Variants in NCR3LG1 observed in about 807,000 individuals in gnomAD.
The protein encoded by NCR3LG1 is natural killer cell cytotoxicity receptor 3 ligand 1.
Under a neutral mutation model 34.8 loss-of-function variants are expected in NCR3LG1, and 35 were observed. The observed-to-expected ratio is 1.01, with a 90% CI of 0.77 to 1.33. The LOEUF (loss-of-function observed/expected upper bound fraction) is 1.33, where lower values mean the gene tolerates loss of function less well. Among genes scored for constraint, NCR3LG1 ranks in the 40% most tolerant of loss-of-function variants. NCR3LG1 has a pLI of 0.00. For synonymous variants in NCR3LG1, 173 were observed against 163.6 expected, an observed-to-expected ratio of 1.06 and a Z score of -0.44; for missense variants, 452 against 423.3, an observed-to-expected ratio of 1.07 and a Z score of -0.60.
At chr11:17,362,458 A>C (rs563025804) in intron 2 of NCR3LG1, among the ~76,000 whole-genome samples, 1 of 152,264 alleles carries the variant, frequency 6.6e-6, no homozygotes, top group African/African-American at 2.4e-5. Context: ...CGGTTTTGGC[A>C]GTAGGATAAT....
rs1402771370 is a variant in NCR3LG1 at position 17,356,376 on chromosome 11, A to ACCTG, written c.71-266_71-263dup. Among the ~76,000 whole-genome samples the ACCTG allele has an allele frequency of 1.7e-4, 26 of 151,692 alleles. No homozygotes were observed. In the East Asian group the frequency reaches 5.0e-3, roughly 29 times the overall value. On this transcript the variant is annotated intron_variant, in intron 1 of 4. Transcript: ENST00000338965. ...ATGGTCTCAATCTCCTGACCTCATG[A>ACCTG]CCTGCCTGCCTGGGCCTCCCAAAGT...
intron 2 of NCR3LG1, among the ~76,000 whole-genome samples, chr11:17,361,659 A>G (rs924172785): frequency 6.6e-6 from 1 of 152,084 alleles, no homozygotes; most frequent in Non-Finnish European, 1.5e-5. Context: ...ATTTTTGCTT[A>G]TTAACTTTGT....
rs1953285033 is a variant in NCR3LG1 at position 17,362,688 on chromosome 11, CTTCCTTTCTTTCT to C, written c.422-4317_422-4305del. Among the ~76,000 whole-genome samples the C allele has an allele frequency of 7.5e-4, 12 of 16,026 alleles. No homozygotes were observed. The African/African-American group carries it at 9.9e-3, about 13-fold the overall frequency. The allele number at this position is 16,026 out of a possible 152,430, so 10.5% of individuals were successfully genotyped here. A position where few individuals can be genotyped will look rare whatever the true frequency, so the allele number is the denominator to read the frequency against. ...GACTCAGTGTCTCCTTCCTTCCTTCCTTCCTTTCTTTCTTTCTTTCTTTCTTTCTTTCTTTCTT... is the reference window on the plus strand; with the variant it reads ...GACTCAGTGTCTCCTTCCTTCCTTCCTTCTTTCTTTCTTTCTTTCTTTCTT... On this transcript the variant is annotated intron_variant, in intron 2 of 4. Transcript: ENST00000338965.
At chr11:17,367,448 G>A (rs545842376) in intron 3 of NCR3LG1, 101 bp downstream of exon 3, 15 of 1,011,150 alleles carry the variant, frequency 1.5e-5, no homozygotes, top group Middle Eastern at 2.6e-4. Context: ...GACTGAAGGG[G>A]AAACAGAGAA....
downstream of NCR3LG1, chr11:17,381,402 GC>G (rs1953512736): frequency 1.3e-5 from 2 of 152,612 alleles, no homozygotes; most frequent in Non-Finnish European, 2.9e-5. Flanking sequence ...CAGACAGCCT[GC>G]TCAAGAGCAC....
rs947543198 is a variant in NCR3LG1 at position 17,373,984 on chromosome 11, A to T, written c.*1472A>T. The T allele has an allele frequency of 6.6e-6, 1 of 152,148 alleles. No homozygotes were observed. The highest frequency in any genetic ancestry group is 2.4e-5 in the African/African-American group (1 of 41,388). 9.4% of individuals were successfully genotyped at this position (152,148 alleles called of 1,614,324 possible). A position where few individuals can be genotyped will look rare whatever the true frequency, so the allele number is the denominator to read the frequency against. On this transcript the variant is annotated 3_prime_UTR_variant, in exon 5 of 5. Transcript: ENST00000338965. Reference sequence around the variant, plus strand: ...ATCCCACTTTTTTTCCTAACCAGAGACAATACCCTCTGAAGCCAGAAAGTA... The same window carrying T: ...ATCCCACTTTTTTTCCTAACCAGAGTCAATACCCTCTGAAGCCAGAAAGTA...
chr11:17,364,096 A>G (rs993743377), intron 2 of NCR3LG1, among the ~76,000 whole-genome samples: 2 of 152,006 alleles, frequency 1.3e-5, no homozygotes, highest in African/African-American at 4.8e-5. Flanking sequence ...TATTCCCATT[A>G]TATATCTGTT....
In NCR3LG1 at chr11:17,374,799, C is replaced by T. The variant is rs1953456048; in HGVS notation, c.*2287C>T. 1.3e-5 allele frequency: 2 copies of T among 152,190 alleles called. No individual in the cohort carries two copies. Among genetic ancestry groups the T allele is most frequent in the East Asian group, 3.9e-4 (2 of 5,190 alleles). The allele number at this position is 152,190 out of a possible 1,614,324, so 9.4% of individuals were successfully genotyped here. A position where few individuals can be genotyped will look rare whatever the true frequency, so the allele number is the denominator to read the frequency against. On this transcript the variant is annotated 3_prime_UTR_variant, in exon 5 of 5. Coordinates refer to ENST00000338965, the MANE Select transcript of NCR3LG1 (RefSeq NM_001202439.3). ...CAAGTGGCTAAAACTCACTTCCTGA[C>T]CTGGGAACCTGAAGGTCAAAAGGCC...
chr11:17,357,090 C>T (rs1953219166), intron 2 of NCR3LG1, 89 bp downstream of exon 2: 1 of 865,006 alleles, frequency 1.2e-6, no homozygotes, highest in South Asian at 1.8e-5. Context: ...CTCCACTTTC[C>T]TGTATTATAA....
intron 2 of NCR3LG1, among the ~76,000 whole-genome samples, chr11:17,364,637 C>T (rs970924461): frequency 2.6e-5 from 4 of 152,164 alleles, no homozygotes; most frequent in Non-Finnish European, 1.5e-5. Flanking sequence ...ACCTCCGCCT[C>T]CTGGGTTCAA....
In NCR3LG1 at chr11:17,375,463, C is replaced by G. The variant is rs1290562170; in HGVS notation, c.*2951C>G. On this transcript the variant is annotated 3_prime_UTR_variant, in exon 5 of 5. Transcript: ENST00000338965. ...GCCTCTCTCACCAGGCACACACACT[C>G]AATCAGTTGAGCTGATCCCTCTCAC... 1 of 152,210 alleles carries G rather than the reference C, an allele frequency of 6.6e-6. No individual in the cohort carries two copies. Among genetic ancestry groups the G allele is most frequent in the Non-Finnish European group, 1.5e-5 (1 of 68,056 alleles). 9.4% of individuals were successfully genotyped at this position (152,210 alleles called of 1,614,324 possible). A position where few individuals can be genotyped will look rare whatever the true frequency, so the allele number is the denominator to read the frequency against.
At chr11:17,355,971 T>C (rs889704325) in intron 1 of NCR3LG1, among the ~76,000 whole-genome samples, 3 of 151,626 alleles carry the variant, frequency 2.0e-5, no homozygotes, top group African/African-American at 7.3e-5. Flanking sequence ...CTAATTTATT[T>C]TTATTTTTTT....
downstream of NCR3LG1, among the ~76,000 whole-genome samples, chr11:17,378,536 C>T (rs922251520): frequency 7.2e-5 from 11 of 152,156 alleles, no homozygotes; most frequent in Admixed American, 3.9e-4. Context: ...CACATAGACA[C>T]GCCATTCTTC....
At position 17,368,960 on chromosome 11, in the gene NCR3LG1, A is replaced by G. The variant is rs1378730990; in HGVS notation, c.854A>G (p.Lys285Arg). The G allele has an allele frequency of 1.3e-6, 2 of 1,530,126 alleles. No homozygotes were observed. The highest frequency in any genetic ancestry group is 2.0e-5 in the Admixed American group (1 of 50,466). The allele number at this position is 1,530,126 out of a possible 1,614,324, so 94.8% of individuals were successfully genotyped here. Residue 285 changes from lysine to arginine, a missense_variant, in exon 4 of 5, where the codon AAA (lysine) becomes AGA (arginine). Lys to Arg is a conservative substitution (Grantham distance 26). Transcript: ENST00000338965. ...LVLLIVLIPW[K>R]KICNKSSSAY... ...TTATTAATTGTTTTGATTCCTTGGA[A>G]AAAGGTAAGGGGCTCCAAAGCAAAG... is the stretch of plus-strand genomic sequence containing the variant.
chr11:17,369,993 T>C (rs1464749321), intron 4 of NCR3LG1, among the ~76,000 whole-genome samples: 1 of 152,164 alleles, frequency 6.6e-6, no homozygotes, highest in African/African-American at 2.4e-5. Flanking sequence ...CACAGCCACA[T>C]ACATTAAAAC....
rs1411252050 is a variant in NCR3LG1 at position 17,373,709 on chromosome 11, A to AT, written c.*1202dup. On this transcript the variant is annotated 3_prime_UTR_variant, in exon 5 of 5. Coordinates refer to ENST00000338965, the MANE Select transcript of NCR3LG1 (RefSeq NM_001202439.3). ...ATCTCAGGAAAGACTTTAACTTGAT[A>AT]TTTTTCTCAACCTATTAGTTGCAGT... The AT allele has an allele frequency of 1.3e-5, 2 of 152,150 alleles. No individual in the cohort carries two copies. Among genetic ancestry groups the AT allele is most frequent in the Non-Finnish European group, 2.9e-5 (2 of 68,056 alleles). 9.4% of individuals were successfully genotyped at this position (152,150 alleles called of 1,614,324 possible).
intron 1 of NCR3LG1, among the ~76,000 whole-genome samples, chr11:17,354,552 T>C (rs1198095618): frequency 5.0e-5 from 5 of 100,030 alleles, no homozygotes; most frequent in African/African-American, 3.3e-4. Flanking sequence ...CTTCTTTTTT[T>C]TTTTTTTTTT....
intron 4 of NCR3LG1, among the ~76,000 whole-genome samples, chr11:17,370,674 G>T (rs141689888): frequency 6.6e-6 from 1 of 152,302 alleles, no homozygotes; most frequent in South Asian, 2.1e-4. Context: ...AGGTCCTGGG[G>T]CAACTGAAGG....
In NCR3LG1 at chr11:17,372,484, C is replaced by T. The variant is rs941644565; in HGVS notation, c.1337C>T (p.Pro446Leu). 5.7e-6 allele frequency: 4 copies of T among 701,218 alleles called. No individual in the cohort carries two copies. Among genetic ancestry groups the T allele is most frequent in the Admixed American group, 2.0e-5 (1 of 49,384 alleles). The allele number at this position is 701,218 out of a possible 1,614,324, so 43.4% of individuals were successfully genotyped here. Residue 446 changes from proline to leucine, a missense_variant, in exon 5 of 5, where the codon CCC becomes CTC. Coordinates refer to ENST00000338965, the MANE Select transcript of NCR3LG1 (RefSeq NM_001202439.3). ...ACAACTCCAGTTCTATCCTCCCAACCCCCAACTTTACTGTTACCCCTACAG... is the reference window on the plus strand; with the variant it reads ...ACAACTCCAGTTCTATCCTCCCAACTCCCAACTTTACTGTTACCCCTACAG... The part of the protein sequence containing the change: ...TSTTPVLSSQ[P>L]PTLLLPLQ
Sources: gnomAD v4.1 joint callset for allele counts (sites outside exome capture counted in the v4.1 genomes callset) on GRCh38, gnomAD v4.1.1 for gene constraint, MANE v1.5 for transcripts, NCBI Gene and HGNC (gene_info 2026-07-23, HGNC 2026-07-21) for gene names.